Variants in SGCZ observed in about 807,000 individuals in gnomAD.
The protein encoded by SGCZ is sarcoglycan zeta, also known as zeta-sarcoglycan.
In SGCZ, 40 loss-of-function variants were observed where a neutral mutation model predicts 41.3. The ratio of observed to expected loss-of-function variants is 0.97; its 90% CI spans 0.75 to 1.26. The LOEUF (loss-of-function observed/expected upper bound fraction) is 1.26. Ranked by LOEUF, SGCZ falls within the 50% of genes most tolerant of loss-of-function variation. The probability of loss-of-function intolerance (pLI) is 0.00; values close to 1 mark genes in which losing one functional copy is unlikely to be tolerated. For synonymous variants in SGCZ, 206 were observed against 137.5 expected (o/e 1.50, Z -3.49); for missense variants, 552 against 369.8 (o/e 1.49, Z -4.04).
At chr8:14,139,656 G>C (rs893017797) in intron 5 of SGCZ, among the ~76,000 whole-genome samples, 10 of 152,048 alleles carry the variant, frequency 6.6e-5, no homozygotes, top group Admixed American at 3.3e-4. Context: ...TTGAATCCCT[G>C]AATAGACTAA....
intron 1 of SGCZ, among the ~76,000 whole-genome samples, chr8:14,619,318 C>T (rs1806208460): frequency 1.3e-5 from 2 of 152,174 alleles, no homozygotes; most frequent in African/African-American, 4.8e-5. Flanking sequence ...CTATGACAAA[C>T]CCACAGCCAA....
chr8:14,245,854 C>T (rs1454750829), intron 3 of SGCZ, among the ~76,000 whole-genome samples: 14 of 152,280 alleles, frequency 9.2e-5, no homozygotes, highest in African/African-American at 3.4e-4. Flanking sequence ...AAATGCTCAT[C>T]ATCACTGGCC....
chr8:15,052,894 T>C (rs1257717630), intron 1 of SGCZ, among the ~76,000 whole-genome samples: 2 of 152,156 alleles, frequency 1.3e-5, no homozygotes, highest in Non-Finnish European at 2.9e-5. Flanking sequence ...ATATTTATTC[T>C]TGATCTTAAA....
At chr8:15,097,721 C>A (rs1806399602) in intron 1 of SGCZ, among the ~76,000 whole-genome samples, 2 of 126,386 alleles carry the variant, frequency 1.6e-5, no homozygotes, top group South Asian at 2.7e-4. Context: ...AGAGTGAGAG[C>A]TTATAAAAAA....
At chr8:14,391,661 T>A (rs1014321009) in intron 2 of SGCZ, among the ~76,000 whole-genome samples, 2 of 152,124 alleles carry the variant, frequency 1.3e-5, no homozygotes, top group East Asian at 3.9e-4. Context: ...AACATTATTA[T>A]GTGATCGCTT....
intron 1 of SGCZ, among the ~76,000 whole-genome samples, chr8:14,938,838 G>A (rs571899001): frequency 5.3e-5 from 8 of 151,840 alleles, no homozygotes; most frequent in Admixed American, 5.2e-4. Context: ...ATCTTTACAA[G>A]TTCATTACAG....
chr8:14,196,755 A>C (rs774075663), intron 4 of SGCZ, among the ~76,000 whole-genome samples: 12 of 152,204 alleles, frequency 7.9e-5, no homozygotes, highest in Admixed American at 2.0e-4. Flanking sequence ...CCTTAGAAGC[A>C]TGCTACGTGA....
chr8:14,570,260 C>T (rs1804510969), intron 1 of SGCZ, among the ~76,000 whole-genome samples: 1 of 152,136 alleles, frequency 6.6e-6, no homozygotes, highest in Non-Finnish European at 1.5e-5. Context: ...TGTGGTTATG[C>T]ATTCAGCAGG....
chr8:14,963,068 A>AT (rs1399736909), intron 1 of SGCZ, among the ~76,000 whole-genome samples: 7 of 152,206 alleles, frequency 4.6e-5, no homozygotes, highest in African/African-American at 1.7e-4. Context: ...GAATGAGATG[A>AT]CAAACAACCT....
chr8:14,443,998 G>A (rs1260741444), intron 2 of SGCZ, among the ~76,000 whole-genome samples: 3 of 152,086 alleles, frequency 2.0e-5, no homozygotes, highest in East Asian at 3.9e-4. Flanking sequence ...AAAAGTGGGT[G>A]AAGGATATGA....
chr8:14,564,849 C>T (rs567304448), intron 1 of SGCZ, among the ~76,000 whole-genome samples: 8 of 152,104 alleles, frequency 5.3e-5, no homozygotes, highest in Non-Finnish European at 1.0e-4. Context: ...CTACTTACCA[C>T]GGCAATTTAA....
intron 5 of SGCZ, among the ~76,000 whole-genome samples, chr8:14,122,736 T>C (rs1162018786): frequency 6.6e-6 from 1 of 152,218 alleles, no homozygotes; most frequent in African/African-American, 2.4e-5. Context: ...AACTCATTTC[T>C]TCTCCCCTTG....
At chr8:14,555,642 G>T (rs1804012493) in intron 1 of SGCZ, among the ~76,000 whole-genome samples, 1 of 151,964 alleles carries the variant, frequency 6.6e-6, no homozygotes, top group Non-Finnish European at 1.5e-5. Flanking sequence ...AAGAATAGAT[G>T]AATACACCAA....
chr8:14,324,249 T>C (rs771834496), intron 2 of SGCZ, 45 bp from the exon 3 acceptor site: 2 of 1,389,578 alleles, frequency 1.4e-6, no homozygotes, highest in African/African-American at 2.8e-5. Context: ...AATTGGAGAA[T>C]GAATATCTGG....
chr8:15,001,317 T>C (rs1324759784), intron 1 of SGCZ, among the ~76,000 whole-genome samples: 22 of 152,198 alleles, frequency 1.4e-4, no homozygotes, highest in Admixed American at 9.8e-4. Context: ...TCTGCGGCTG[T>C]TGGATGCATC....
chr8:14,237,559 C>G (rs745728779), intron 4 of SGCZ, 33 bp downstream of exon 4: 1 of 1,585,914 alleles, frequency 6.3e-7, no homozygotes, highest in East Asian at 2.2e-5. Context: ...AAACCAAGCA[C>G]AGTAGGAGCA....
At chr8:14,593,420 C>A in intron 1 of SGCZ, among the ~76,000 whole-genome samples, 1 of 152,298 alleles carries the variant, frequency 6.6e-6, no homozygotes, top group Non-Finnish European at 1.5e-5. Context: ...GATGTCTGAT[C>A]TCCAGAACGG....
chr8:14,275,356 G>C (rs1310658079), intron 3 of SGCZ, among the ~76,000 whole-genome samples: 1 of 152,068 alleles, frequency 6.6e-6, no homozygotes, highest in African/African-American at 2.4e-5. Flanking sequence ...CATATTTTCA[G>C]AAAATGGAAA....
At chr8:14,990,172 C>G (rs1050312370) in intron 1 of SGCZ, among the ~76,000 whole-genome samples, 3 of 152,148 alleles carry the variant, frequency 2.0e-5, no homozygotes, top group African/African-American at 4.8e-5. Flanking sequence ...ATTAACGCAA[C>G]ATGCTGCCAA....
Sources: gnomAD v4.1 joint callset for allele counts (sites outside exome capture counted in the v4.1 genomes callset) on GRCh38, gnomAD v4.1.1 for gene constraint, MANE v1.5 for transcripts, NCBI Gene and HGNC (gene_info 2026-07-23, HGNC 2026-07-21) for gene names.